Variants in CDH20 observed in about 807,000 individuals in gnomAD.
CDH20 encodes the protein cadherin 20.
CDH20 carries 29 observed loss-of-function variants against 74.2 expected under a neutral mutation model. The observed-to-expected ratio is 0.39, with a 90% CI of 0.29 to 0.53. The LOEUF is 0.53. Among genes scored for constraint, CDH20 ranks in the 20% least tolerant of loss-of-function variants. The probability of loss-of-function intolerance (pLI) is 0.69; values close to 1 mark genes in which losing one functional copy is unlikely to be tolerated. For synonymous variants in CDH20, 469 were observed against 405.4 expected (o/e 1.16, Z -1.88); for missense variants, 988 against 1,048.3 (o/e 0.94, Z 0.79).
intron 1 of CDH20, among the ~76,000 whole-genome samples, chr18:61,444,585 C>A (rs1051128876): frequency 2.6e-5 from 4 of 152,124 alleles, no homozygotes; most frequent in African/African-American, 9.7e-5. Context: ...ATAGATTAAT[C>A]TGTCTGAGGA....
At position 61,499,535 on chromosome 18, in the gene CDH20, C is replaced by G. The variant is rs1208967373; in HGVS notation, c.541+55C>G. 4 of 1,294,696 alleles carry G rather than the reference C, an allele frequency of 3.1e-6. No individual in the cohort carries two copies. The South Asian group carries it at 5.4e-5, about 17-fold the overall frequency. The allele number at this position is 1,294,696 out of a possible 1,614,324, so 80.2% of individuals were successfully genotyped here. ...ATAGCACCTCCTATATATATACACA[C>G]ACACACACATATGCACATGCACACA... On this transcript the variant is annotated intron_variant, in intron 3 of 11. Transcript: ENST00000262717.
At chr18:61,345,686 C>T (rs1157563698) in intron 1 of CDH20, among the ~76,000 whole-genome samples, 4 of 152,114 alleles carry the variant, frequency 2.6e-5, no homozygotes, top group East Asian at 1.9e-4. Context: ...TAAAAGAATG[C>T]TCTCAGGATA....
intron 1 of CDH20, among the ~76,000 whole-genome samples, chr18:61,374,470 C>CA (rs1281381828): frequency 6.6e-6 from 1 of 152,032 alleles, no homozygotes; most frequent in Non-Finnish European, 1.5e-5. Context: ...TATATAGAAA[C>CA]AAATTTGTGC....
intron 6 of CDH20, among the ~76,000 whole-genome samples, chr18:61,510,101 A>C (rs1252075684): frequency 2.0e-5 from 3 of 152,196 alleles, no homozygotes; most frequent in Non-Finnish European, 4.4e-5. Context: ...AGTTTGTAGA[A>C]GGGTCCTGCA....
intron 1 of CDH20, among the ~76,000 whole-genome samples, chr18:61,389,266 C>T (rs756902476): frequency 5.3e-5 from 8 of 152,262 alleles, no homozygotes; most frequent in East Asian, 3.9e-4. Flanking sequence ...CATTTTACAA[C>T]GAGAAAAGTA....
intron 1 of CDH20, among the ~76,000 whole-genome samples, chr18:61,464,057 C>T (rs951393594): frequency 3.3e-5 from 5 of 152,068 alleles, no homozygotes; most frequent in African/African-American, 1.2e-4. Flanking sequence ...AGTTACCTTC[C>T]CTATTAAAAG....
At chr18:61,538,576 T>C (rs1285059385) in intron 8 of CDH20, among the ~76,000 whole-genome samples, 2 of 28,798 alleles carry the variant, frequency 6.9e-5, no homozygotes, top group African/African-American at 2.2e-4. Context: ...AGTAAATAAC[T>C]ACTTTTTGTT....
At position 61,372,821 on chromosome 18, in the gene CDH20, C is replaced by T. The variant is rs1911088369; in HGVS notation, c.-153+38994C>T. Among the ~76,000 whole-genome samples, 4 of 152,074 alleles carry T rather than the reference C, an allele frequency of 2.6e-5. No individual in the cohort carries two copies. The South Asian group carries it at 8.3e-4, about 31-fold the overall frequency. On this transcript the variant is annotated intron_variant, in intron 1 of 11. Transcript: ENST00000262717. ...AAAGCCTAAGGTATTTCCTCTCTGG[C>T]CCCTTATAGAAAATGTTTGCAGACC...
rs562245219 is a variant in CDH20 at position 61,538,720 on chromosome 18, G to A, written c.1409-304G>A. Among the ~76,000 whole-genome samples the A allele has an allele frequency of 3.1e-3, 454 of 148,624 alleles. 10 individuals carry two copies. Among genetic ancestry groups the A allele is most frequent in the Non-Finnish European group, 4.6e-4 (31 of 67,474 alleles). On this transcript the variant is annotated intron_variant, in intron 8 of 11. Coordinates refer to ENST00000262717, the MANE Select transcript of CDH20 (RefSeq NM_031891.4). Reference sequence around the variant, plus strand: ...TGCAAGCTCCACCTCCCGGGTTCACGCCATTCTCCTGCCTCAGTCTCCCAA... The same window carrying A: ...TGCAAGCTCCACCTCCCGGGTTCACACCATTCTCCTGCCTCAGTCTCCCAA...
intron 1 of CDH20, 57 bp from the exon 2 acceptor site, chr18:61,490,345 A>G: frequency 1.9e-6 from 1 of 525,082 alleles, no homozygotes; most frequent in Non-Finnish European, 3.4e-6. Flanking sequence ...AAAACTTGCA[A>G]CCCGCCTGCA....
chr18:61,373,528 G>A (rs955511617), intron 1 of CDH20, among the ~76,000 whole-genome samples: 1 of 152,078 alleles, frequency 6.6e-6, no homozygotes, highest in Admixed American at 6.6e-5. Context: ...ATTTTGAGTT[G>A]TTGACTATCT....
intron 9 of CDH20, among the ~76,000 whole-genome samples, chr18:61,541,934 A>G (rs1222871475): frequency 6.6e-6 from 1 of 152,146 alleles, no homozygotes; most frequent in African/African-American, 2.4e-5. Flanking sequence ...AACAGAGAGC[A>G]GGAGAGCGGG....
chr18:61,372,757 G>A (rs1911085937), intron 1 of CDH20, among the ~76,000 whole-genome samples: 1 of 152,118 alleles, frequency 6.6e-6, no homozygotes, highest in African/African-American at 2.4e-5. Flanking sequence ...TTCTGTAACT[G>A]CAGAGTTGAG....
At chr18:61,395,934 G>A (rs17062549) in intron 1 of CDH20, among the ~76,000 whole-genome samples, 11,176 of 152,238 alleles carry the variant, frequency 0.073, 546 homozygotes, top group Middle Eastern at 0.13. Flanking sequence ...TTTTTCGATA[G>A]TGTTAGAAAC....
chr18:61,408,816 C>T (rs1912408886), intron 1 of CDH20, among the ~76,000 whole-genome samples: 1 of 152,156 alleles, frequency 6.6e-6, no homozygotes, highest in African/African-American at 2.4e-5. Flanking sequence ...AACCCACCAC[C>T]TTTTTACTCA....
At chr18:61,508,447 T>C (rs1044710674) in intron 6 of CDH20, among the ~76,000 whole-genome samples, 1 of 151,876 alleles carries the variant, frequency 6.6e-6, no homozygotes, top group African/African-American at 2.4e-5. Flanking sequence ...CAGAACACAA[T>C]AAGTGAGGCC....
intron 1 of CDH20, among the ~76,000 whole-genome samples, chr18:61,480,750 C>T (rs1910561688): frequency 6.6e-6 from 1 of 152,190 alleles, no homozygotes; most frequent in South Asian, 2.1e-4. Context: ...TCCCAATTTC[C>T]TCATAAGATT....
intron 1 of CDH20, among the ~76,000 whole-genome samples, chr18:61,486,937 G>A (rs1568160000): frequency 1.3e-5 from 2 of 152,170 alleles, no homozygotes; most frequent in South Asian, 2.1e-4. Context: ...ATTTCAAGGA[G>A]AAAGCAGTAA....
intron 9 of CDH20, among the ~76,000 whole-genome samples, chr18:61,544,608 A>G (rs1468017487): frequency 2.0e-5 from 3 of 152,060 alleles, no homozygotes; most frequent in Non-Finnish European, 2.9e-5. Context: ...CCCGGGCTGA[A>G]CTTCCCTTGG....
Sources: allele counts gnomAD v4.1 joint callset (sites outside exome capture counted in the v4.1 genomes callset), GRCh38; gene constraint gnomAD v4.1.1; transcripts MANE v1.5; gene names NCBI Gene and HGNC (gene_info 2026-07-23, HGNC 2026-07-21).